CFAP299: variants seen among roughly 807,000 people sequenced by gnomAD.
CFAP299 encodes the protein cilia- and flagella-associated protein 299.
In CFAP299, 21 loss-of-function variants were observed where a neutral mutation model predicts 27.0. That is an observed-to-expected ratio of 0.78 (90% confidence interval 0.55 to 1.12). The LOEUF (loss-of-function observed/expected upper bound fraction) is 1.12. Ranked by LOEUF, CFAP299 falls within the 50% of genes most tolerant of loss-of-function variation. CFAP299 has a pLI of 0.00. For missense variants in CFAP299, 310 were observed against 276.6 expected, an observed-to-expected ratio of 1.12 and a Z score of -0.86; for synonymous variants, 104 against 98.1, an observed-to-expected ratio of 1.06 and a Z score of -0.36.
At chr4:80,559,541 C>A (rs1192675270) in intron 2 of CFAP299, among the ~76,000 whole-genome samples, 1 of 152,150 alleles carries the variant, frequency 6.6e-6, no homozygotes, top group South Asian at 2.1e-4. Context: ...CAGTAGCTGT[C>A]TTTAACTTTA....
rs559203402 is a variant in CFAP299, at chr4:80,852,415, T to TGGAGAC, written c.334-17577_334-17572dup. Among the ~76,000 whole-genome samples the TGGAGAC allele has an allele frequency of 2.6e-3, 392 of 151,922 alleles. 5 individuals are homozygous for TGGAGAC. The highest frequency in any genetic ancestry group is 8.8e-3 in the African/African-American group (366 of 41,412). ...GAAACACCCAATAAAATGAAGAAAT[T>TGGAGAC]GGAGACACACACACACCACAGAAAG... On this transcript the variant is annotated intron_variant, in intron 3 of 5. Coordinates refer to ENST00000358105, the MANE Select transcript of CFAP299 (RefSeq NM_152770.3).
At chr4:80,468,292 C>T (rs551881835) in intron 2 of CFAP299, among the ~76,000 whole-genome samples, 134 of 151,010 alleles carry the variant, frequency 8.9e-4, no homozygotes, top group Middle Eastern at 6.8e-3. Flanking sequence ...GGCCTGACCT[C>T]GGCTCACTGC....
chr4:80,854,584 T>G (rs1389912152), intron 3 of CFAP299, among the ~76,000 whole-genome samples: 1 of 151,772 alleles, frequency 6.6e-6, no homozygotes, highest in Non-Finnish European at 1.5e-5. Context: ...CAGATCTAGG[T>G]GCAGATGGAT....
chr4:80,717,398 A>G (rs1256907939), intron 3 of CFAP299, among the ~76,000 whole-genome samples: 2 of 152,170 alleles, frequency 1.3e-5, no homozygotes, highest in Admixed American at 1.3e-4. Context: ...AGCTTCTCCC[A>G]TGACATTTGA....
intron 3 of CFAP299, among the ~76,000 whole-genome samples, chr4:80,679,727 A>G (rs1719712846): frequency 6.9e-6 from 1 of 145,512 alleles, no homozygotes; most frequent in Non-Finnish European, 1.5e-5. Flanking sequence ...ATTTTAGTGA[A>G]TAATCTGTGT....
intron 1 of CFAP299, among the ~76,000 whole-genome samples, chr4:80,345,018 C>T (rs1722654288): frequency 6.6e-6 from 1 of 152,044 alleles, no homozygotes; most frequent in Non-Finnish European, 1.5e-5. Flanking sequence ...ATGTCAAGCC[C>T]ACAGACAATA....
chr4:80,487,498 C>T (rs1730882460), intron 2 of CFAP299, among the ~76,000 whole-genome samples: 1 of 152,114 alleles, frequency 6.6e-6, no homozygotes, highest in African/African-American at 2.4e-5. Flanking sequence ...GGGATGGCTG[C>T]CCATTCACCA....
chr4:80,434,088 A>G (rs1727950262), intron 2 of CFAP299, among the ~76,000 whole-genome samples: 1 of 152,190 alleles, frequency 6.6e-6, no homozygotes, highest in South Asian at 2.1e-4. Context: ...ACATTTATTT[A>G]TATTAAAATT....
chr4:80,325,929 G>T, the CFAP299 span, among the ~76,000 whole-genome samples: 1 of 152,152 alleles, frequency 6.6e-6, no homozygotes, highest in South Asian at 2.1e-4. Flanking sequence ...ATACAGATTG[G>T]TGTAATAACT....
rs1733096893 is a variant in CFAP299, at chr4:80,524,916, G to C, written c.243-58177G>C. Among the ~76,000 whole-genome samples, 3 of 152,068 alleles carry C rather than the reference G, an allele frequency of 2.0e-5. No homozygotes were observed. In the South Asian group the frequency reaches 6.2e-4, roughly 32 times the overall value. On this transcript the variant is annotated intron_variant, in intron 2 of 5. Transcript: ENST00000358105. ...GGCAGAGCTGTATTCTCATCTAAGG[G>C]ATTGAGTGGGGAAGAATCTACTTTA...
chr4:80,528,949 C>A (rs17004929), intron 2 of CFAP299, among the ~76,000 whole-genome samples: 11,423 of 152,128 alleles, frequency 0.075, 614 homozygotes, highest in East Asian at 0.25. Flanking sequence ...TTGATGATCC[C>A]AAATGCATTC....
intron 3 of CFAP299, among the ~76,000 whole-genome samples, chr4:80,844,439 C>T (rs985989522): frequency 7.9e-5 from 12 of 152,036 alleles, no homozygotes; most frequent in Non-Finnish European, 7.4e-5. Flanking sequence ...TTTTAATGAT[C>T]ACCATTCTAA....
intron 4 of CFAP299, among the ~76,000 whole-genome samples, chr4:80,916,862 A>G (rs2110208063): frequency 6.6e-6 from 1 of 152,248 alleles, no homozygotes; most frequent in Middle Eastern, 3.4e-3. Flanking sequence ...ATAAATTCCG[A>G]GGTGAAGTAA....
intron 3 of CFAP299, among the ~76,000 whole-genome samples, chr4:80,614,229 A>C (rs1402301262): frequency 6.6e-6 from 1 of 152,200 alleles, no homozygotes; most frequent in Non-Finnish European, 1.5e-5. Flanking sequence ...AGTTTTGATT[A>C]AAATTAACGG....
chr4:80,655,616 C>T (rs1482919078), intron 3 of CFAP299, among the ~76,000 whole-genome samples: 1 of 151,946 alleles, frequency 6.6e-6, no homozygotes, highest in African/African-American at 2.4e-5. Flanking sequence ...ATAATGGTAC[C>T]AGATAGGATT....
chr4:80,345,317 C>T (rs1399035598), intron 1 of CFAP299, among the ~76,000 whole-genome samples: 1 of 151,896 alleles, frequency 6.6e-6, no homozygotes, highest in Non-Finnish European at 1.5e-5. Flanking sequence ...GGTACATGTG[C>T]ATAACGTGCA....
intron 4 of CFAP299, among the ~76,000 whole-genome samples, chr4:80,909,338 T>C (rs572204121): frequency 6.0e-4 from 92 of 152,240 alleles, no homozygotes; most frequent in African/African-American, 2.2e-3. Context: ...CTTAAGTTTC[T>C]AGCTTTGGCA....
At chr4:80,878,037 T>A (rs763183543) in intron 4 of CFAP299, among the ~76,000 whole-genome samples, 12 of 152,258 alleles carry the variant, frequency 7.9e-5, no homozygotes, top group South Asian at 6.2e-4. Context: ...TAAAAATTCA[T>A]AATTATTTTC....
chr4:80,706,662 G>A (rs1211289251), intron 3 of CFAP299, among the ~76,000 whole-genome samples: 1 of 151,868 alleles, frequency 6.6e-6, no homozygotes, highest in Non-Finnish European at 1.5e-5. Context: ...ATATATTTGT[G>A]TATGTGTGAT....
Sources: gnomAD v4.1 joint callset for allele counts (sites outside exome capture counted in the v4.1 genomes callset) on GRCh38, gnomAD v4.1.1 for gene constraint, MANE v1.5 for transcripts, NCBI Gene and HGNC (gene_info 2026-07-23, HGNC 2026-07-21) for gene names.